TOR1AIP1: variants seen among roughly 807,000 people sequenced by gnomAD.
TOR1AIP1 encodes the protein torsin 1A interacting protein 1.
Under a neutral mutation model 63.3 loss-of-function variants are expected in TOR1AIP1, and 54 were observed. The observed-to-expected ratio is 0.85, with a 90% confidence interval of 0.69 to 1.07. The LOEUF is 1.07. Ranked by LOEUF, TOR1AIP1 falls within the 50% of genes least tolerant of loss-of-function variation. TOR1AIP1 has a pLI of 0.00. For synonymous variants in TOR1AIP1, 294 were observed against 273.5 expected (o/e 1.07, Z -0.74); for missense variants, 736 against 715.0 (o/e 1.03, Z -0.33).
intron 8 of TOR1AIP1, among the ~76,000 whole-genome samples, chr1:179,912,605 CATT>C (rs1355372478): frequency 2.6e-5 from 4 of 152,088 alleles, no homozygotes; most frequent in Admixed American, 6.6e-5. Context: ...TCAAAATAAA[CATT>C]ATCTGATGGA....
chr1:179,883,683 C>G, intron 1 of TOR1AIP1: 1 of 456,264 alleles, frequency 2.2e-6, no homozygotes, highest in South Asian at 1.5e-5. Context: ...TCTGGCAAAT[C>G]AGACTGACAA....
intron 2 of TOR1AIP1, chr1:179,887,814 C>T (rs1426311465): frequency 1.3e-5 from 2 of 152,166 alleles, no homozygotes; most frequent in Non-Finnish European, 2.9e-5. Context: ...TTATCATGAA[C>T]ATTTGCTTCT....
intron 8 of TOR1AIP1, among the ~76,000 whole-genome samples, chr1:179,910,008 C>A (rs555965073): frequency 6.6e-6 from 1 of 152,312 alleles, no homozygotes; most frequent in African/African-American, 2.4e-5. Context: ...AAGTGATCCG[C>A]CTGCTTCAGC....
At chr1:179,886,509 T>C (rs1647913000) in intron 2 of TOR1AIP1, among the ~76,000 whole-genome samples, 1 of 152,128 alleles carries the variant, frequency 6.6e-6, no homozygotes, top group African/African-American at 2.4e-5. Flanking sequence ...TCTGAAGAAA[T>C]GAGATAGTAC....
chr1:179,882,632 G>C lies in TOR1AIP1; in HGVS notation c.130G>C (p.Ala44Pro), dbSNP rs1022821595. The C allele has an allele frequency of 6.5e-7, 1 of 1,545,292 alleles. No individual in the cohort carries two copies. Among genetic ancestry groups the C allele is most frequent in the Non-Finnish European group, 8.7e-7 (1 of 1,148,644 alleles). The change falls in exon 1 of 10, where the codon GCG becomes CCG. Residue 44 changes from alanine to proline, a missense_variant. By Grantham distance (27) the Ala-to-Pro change is conservative (BLOSUM62 -1). Around this residue, in one of 2 missense-constraint regions of TOR1AIP1, gnomAD observed 464 missense variants for 371.0 expected, o/e 1.25. Transcript: ENST00000606911. ...PQNGGSSDAP[A>P]YRTPPSRQGR... ...AAATGGCGGCAGCAGCGATGCGCCT[G>C]CGTACAGAACTCCTCCGTCGCGCCA... is the stretch of plus-strand genomic sequence containing the variant.
rs759689850 is a variant in TOR1AIP1, at chr1:179,882,969, C to T, written c.467C>T (p.Ser156Phe). The change falls in exon 1 of 10, where the codon TCC becomes TTC. Residue 156 changes from serine to phenylalanine, a missense_variant. Around this residue, in one of 2 missense-constraint regions of TOR1AIP1, gnomAD observed 464 missense variants for 371.0 expected, o/e 1.25. Coordinates refer to ENST00000606911, the MANE Select transcript of TOR1AIP1 (RefSeq NM_015602.4). The stretch of plus-strand genomic sequence containing the variant: ...AGGAGAGGGCTGCGGGACTCTCATT[C>T]CTCTGAAGGTGAGGACCGCGGAGGT... Reference protein sequence around the residue: ...MTRRGLRDSHSSEEDEASSQT... With the variant: ...MTRRGLRDSHFSEEDEASSQT... 3.4e-5 allele frequency: 55 copies of T among 1,610,992 alleles called. No homozygotes were observed. The highest frequency in any genetic ancestry group is 5.3e-5 in the African/African-American group (4 of 74,870).
rs1410663414 is a variant in TOR1AIP1, at chr1:179,884,690, A to G, written c.476-2A>G. 6.2e-7 allele frequency: 1 copy of G among 1,605,114 alleles called. No homozygotes were observed. The highest frequency in any genetic ancestry group is 8.5e-7 in the Non-Finnish European group (1 of 1,176,626). On this transcript the variant is annotated splice_acceptor_variant, in intron 1 of 9. Transcript: ENST00000606911. LOFTEE classifies it high-confidence loss of function. ...TTAACTCTTGTTATGTCTGTTTTTT[A>G]GAGGATGAAGCATCTTCCCAAACTG...
At position 179,882,847 on chromosome 1, in the gene TOR1AIP1, A is replaced by T; in HGVS notation, c.345A>T (p.Arg115=). 2 of 1,614,030 alleles carry T rather than the reference A, an allele frequency of 1.2e-6. No homozygotes were observed. Among genetic ancestry groups the T allele is most frequent in the Non-Finnish European group, 1.7e-6 (2 of 1,179,988 alleles). The stretch of plus-strand genomic sequence containing the variant: ...GGTCTAGGCAGCGGAGGCAGCCGCG[A>T]CCCCAGGAAACCGAGGAAATGAAGA... ...YLRSRQRRQP[R]PQETEEMKTR... Residue 115 remains arginine (R), a synonymous_variant, in exon 1 of 10, where the codon CGA becomes CGT. Coordinates refer to ENST00000606911, the MANE Select transcript of TOR1AIP1 (RefSeq NM_015602.4).
rs180878028 is a variant in TOR1AIP1 at position 179,919,925 on chromosome 1, G to A, written c.*1686G>A. ...ATACGTATTATATAGAGAAACAAAT[G>A]TTTTTATTAAATGTTTCATTGACCC... On this transcript the variant is annotated 3_prime_UTR_variant, in exon 10 of 10. Transcript: ENST00000606911. 14 of 152,190 alleles carry A rather than the reference G, an allele frequency of 9.2e-5. No homozygotes were observed. The highest frequency in any genetic ancestry group is 3.4e-4 in the African/African-American group (14 of 41,540). 9.4% of individuals were successfully genotyped at this position (152,190 alleles called of 1,614,324 possible).
At chr1:179,907,617 A>ATATATATATATATGTG (rs1648687447) in intron 6 of TOR1AIP1, among the ~76,000 whole-genome samples, 2 of 22,070 alleles carry the variant, frequency 9.1e-5, no homozygotes, top group Non-Finnish European at 1.2e-4. Context: ...ATATATATAT[A>ATATATATATATATGTG]TGTATATATA....
chr1:179,900,758 A>G (rs751327195), intron 4 of TOR1AIP1, among the ~76,000 whole-genome samples: 2 of 152,190 alleles, frequency 1.3e-5, no homozygotes, highest in African/African-American at 4.8e-5. Flanking sequence ...ATTTTCTATT[A>G]TGGTATTAAA....
chr1:179,903,258 T>TA (rs1228768460), intron 5 of TOR1AIP1, among the ~76,000 whole-genome samples: 4 of 149,784 alleles, frequency 2.7e-5, no homozygotes, highest in East Asian at 3.9e-4. Context: ...CTCCATCTCT[T>TA]AAAAAAAAAG....
rs1209961111 is a variant in TOR1AIP1 at position 179,882,841 on chromosome 1, G to T, written c.339G>T (p.Gln113His). 2.5e-6 allele frequency: 4 copies of T among 1,614,224 alleles called. No individual in the cohort carries two copies. In the Admixed American group the frequency reaches 5.0e-5, roughly 20 times the overall value. The change falls in exon 1 of 10, where the codon CAG (glutamine) becomes CAT (histidine). Residue 113 changes from glutamine to histidine, a missense_variant. By Grantham distance (24) the Gln-to-His change is conservative (BLOSUM62 0). This residue lies in a region of TOR1AIP1 where 464 missense variants were observed against 371.0 expected (regional missense o/e 1.25). Coordinates refer to ENST00000606911, the MANE Select transcript of TOR1AIP1 (RefSeq NM_015602.4). ...AYYLRSRQRR[Q>H]PRPQETEEMK... is the part of the protein sequence containing the mutation. ...ACCTTCGGTCTAGGCAGCGGAGGCA[G>T]CCGCGACCCCAGGAAACCGAGGAAA...
chr1:179,897,082 A>G (rs1648306419), intron 3 of TOR1AIP1, among the ~76,000 whole-genome samples: 1 of 152,206 alleles, frequency 6.6e-6, no homozygotes, highest in African/African-American at 2.4e-5. Context: ...ATAGCATTGC[A>G]TAACTAGTTA....
intron 5 of TOR1AIP1, among the ~76,000 whole-genome samples, chr1:179,902,632 A>C (rs1459700236): frequency 6.6e-6 from 1 of 151,090 alleles, no homozygotes; most frequent in Non-Finnish European, 1.5e-5. Context: ...CTTGATACAG[A>C]AATGGAGATT....
chr1:179,901,114 T>G (rs1272903517), intron 4 of TOR1AIP1, among the ~76,000 whole-genome samples, 188 bp from the exon 5 acceptor site: 1 of 152,230 alleles, frequency 6.6e-6, no homozygotes, highest in African/African-American at 2.4e-5. Context: ...GGACACAAAT[T>G]GAGATAAATT....
rs1558043864 is a variant in TOR1AIP1, at chr1:179,904,023, G to A, written c.796+1G>A. 6.2e-7 allele frequency: 1 copy of A among 1,605,620 alleles called. No individual in the cohort carries two copies. The highest frequency in any genetic ancestry group is 8.5e-7 in the Non-Finnish European group (1 of 1,174,442). ...GAATCATTTTGGCAGTCATCACAAAGTAAGTAAAGCTGTGTTTACAGTGTC... is the reference window on the plus strand; with the variant it reads ...GAATCATTTTGGCAGTCATCACAAAATAAGTAAAGCTGTGTTTACAGTGTC... On this transcript the variant is annotated splice_donor_variant, in intron 6 of 9. Coordinates refer to ENST00000606911, the MANE Select transcript of TOR1AIP1 (RefSeq NM_015602.4). LOFTEE classifies it high-confidence loss of function.
intron 8 of TOR1AIP1, chr1:179,913,498 G>A (rs2148482362): frequency 1.4e-6 from 1 of 690,010 alleles, no homozygotes; most frequent in African/African-American, 1.8e-5. Context: ...AAATAGTGAG[G>A]ATTAAGATTT....
intron 8 of TOR1AIP1, chr1:179,913,645 AT>A: frequency 1.4e-6 from 1 of 702,280 alleles, no homozygotes; most frequent in Middle Eastern, 2.3e-4. Flanking sequence ...AATATGTTTC[AT>A]TTTATTATGG....
Sources: gnomAD v4.1 joint callset for allele counts (sites outside exome capture counted in the v4.1 genomes callset) on GRCh38, gnomAD v4.1.1 for gene constraint, gnomAD v4.1.1 regional missense constraint, MANE v1.5 for transcripts, NCBI Gene and HGNC (gene_info 2026-07-23, HGNC 2026-07-21) for gene names.